The following ANKS1A variants were observed in gnomAD, a reference collection of about 807,000 sequenced individuals.
ANKS1A encodes the protein ankyrin repeat and SAM domain-containing protein 1A.
A neutral mutation model predicts 120.3 loss-of-function variants in ANKS1A; 55 were observed. The ratio of observed to expected loss-of-function variants is 0.46; its 90% CI spans 0.37 to 0.57. The LOEUF is 0.57. Ranked by LOEUF, ANKS1A falls within the 20% of genes least tolerant of loss-of-function variation. The pLI is 0.00. For missense variants in ANKS1A, 1,123 were observed against 1,480.3 expected, an observed-to-expected ratio of 0.76 and a Z score of 3.96; for synonymous variants, 590 against 604.7, an observed-to-expected ratio of 0.98 and a Z score of 0.36.
rs1161410849 is a variant in ANKS1A at position 34,981,636 on chromosome 6, A to T, written c.436-54A>T. 5 of 1,574,304 alleles carry T rather than the reference A, an allele frequency of 3.2e-6. No individual in the cohort carries two copies. The East Asian group carries it at 1.1e-4, about 35-fold the overall frequency. On this transcript the variant is annotated intron_variant, in intron 3 of 23. Coordinates refer to ENST00000360359, the MANE Select transcript of ANKS1A (RefSeq NM_015245.3). The stretch of plus-strand genomic sequence containing the variant: ...GGTTTTACGAGTGGTTGTCCCAGTC[A>T]GGTGCCTGTCTGCCAGTGACCTTTC...
chr6:34,927,598 G>A (rs1432538194), intron 1 of ANKS1A, among the ~76,000 whole-genome samples: 1 of 152,154 alleles, frequency 6.6e-6, no homozygotes, highest in African/African-American at 2.4e-5. Flanking sequence ...CGGAAAGCCA[G>A]CCAGGAAGCC....
At chr6:34,910,860 C>CA (rs10715320) in intron 1 of ANKS1A, among the ~76,000 whole-genome samples, 405 of 79,962 alleles carry the variant, frequency 5.1e-3, no homozygotes, top group East Asian at 0.012. Context: ...AACTCCATCT[C>CA]AAAAAAAAAA....
At chr6:35,080,318 A>G (rs1482650078) in intron 16 of ANKS1A, among the ~76,000 whole-genome samples, 1 of 152,178 alleles carries the variant, frequency 6.6e-6, no homozygotes, top group Admixed American at 6.5e-5. Context: ...GACAGCTTGC[A>G]TTTTAAAAAC....
At chr6:34,944,019 A>G (rs1331328550) in intron 1 of ANKS1A, among the ~76,000 whole-genome samples, 1 of 152,212 alleles carries the variant, frequency 6.6e-6, no homozygotes, top group African/African-American at 2.4e-5. Context: ...CACGCCTGTA[A>G]TCCCAGCACT....
chr6:34,903,450 G>A (rs1221174418), intron 1 of ANKS1A, among the ~76,000 whole-genome samples: 1 of 149,804 alleles, frequency 6.7e-6, no homozygotes, highest in Non-Finnish European at 1.5e-5. Flanking sequence ...TCAGTCTTTT[G>A]AGTAGCTAGG....
At chr6:34,969,909 G>T (rs937648326) in intron 2 of ANKS1A, 101 bp from the exon 3 acceptor site, 3 of 1,389,346 alleles carry the variant, frequency 2.2e-6, no homozygotes, top group Non-Finnish European at 2.9e-6. Flanking sequence ...GGAGCCAAAT[G>T]AGATATCTGT....
rs1777861081 is a variant in ANKS1A at position 35,084,498 on chromosome 6, T to TTC, written c.3132+241_3132+242insCT. Among the ~76,000 whole-genome samples, 1 of 150,054 alleles carries TTC rather than the reference T, an allele frequency of 6.7e-6. No individual in the cohort carries two copies. Among genetic ancestry groups the TTC allele is most frequent in the East Asian group, 2.0e-4 (1 of 5,118 alleles). On this transcript the variant is annotated intron_variant, in intron 21 of 23. Coordinates refer to ENST00000360359, the MANE Select transcript of ANKS1A (RefSeq NM_015245.3). The surrounding 1 kb of genome is among the most constrained non-coding windows in gnomAD (Gnocchi z 4.8). The stretch of plus-strand genomic sequence containing the variant: ...TAGGGACAGGAGGTTCCAGCTTTTT[T>TTC]TTTTTTTTTTTAAGAGATGGAGTCT...
At chr6:34,937,995 C>G (rs1769342867) in intron 1 of ANKS1A, among the ~76,000 whole-genome samples, 1 of 152,178 alleles carries the variant, frequency 6.6e-6, no homozygotes, top group Non-Finnish European at 1.5e-5. Flanking sequence ...CCACCCTACC[C>G]CACACCTCCC....
intron 3 of ANKS1A, among the ~76,000 whole-genome samples, chr6:34,974,237 G>A (rs1404494604): frequency 1.4e-4 from 1 of 6,906 alleles, no homozygotes; most frequent in Admixed American, 2.1e-3. Flanking sequence ...TCTCCTTCCC[G>A]TTCCCGTTCC....
rs185664236 is a variant in ANKS1A, at chr6:35,075,398, G to A, written c.2185-3160G>A. ...AAACAAATATCTAACTCATTTCATAGATAAAAGGTTAATTTTCTTTTTTTT... is the reference window on the plus strand; with the variant it reads ...AAACAAATATCTAACTCATTTCATAAATAAAAGGTTAATTTTCTTTTTTTT... On this transcript the variant is annotated intron_variant, in intron 13 of 23. Transcript: ENST00000360359. Among the ~76,000 whole-genome samples the A allele has an allele frequency of 1.8e-4, 27 of 149,816 alleles. 1 individual carries two copies. The East Asian group carries it at 5.2e-3, about 29-fold the overall frequency.
At chr6:34,933,710 A>G (rs1188263255) in intron 1 of ANKS1A, among the ~76,000 whole-genome samples, 1 of 152,240 alleles carries the variant, frequency 6.6e-6, no homozygotes, top group African/African-American at 2.4e-5. Context: ...CCTTCCTTCA[A>G]ACAGTTGACT....
rs536438489 is a variant in ANKS1A, at chr6:35,089,565, T to G, written c.*956T>G. The G allele has an allele frequency of 4.1e-6, 4 of 986,494 alleles. No individual in the cohort carries two copies. The Admixed American group carries it at 2.4e-4, about 60-fold the overall frequency. The allele number at this position is 986,494 out of a possible 1,614,324, so 61.1% of individuals were successfully genotyped here. On this transcript the variant is annotated 3_prime_UTR_variant, in exon 24 of 24. Transcript: ENST00000360359. ...CCTGTGTGATTGGGGCTCATTTTGA[T>G]TCTCTGAATTATCGGTTTGACGGTT...
chr6:35,009,411 A>G (rs1008523785), intron 10 of ANKS1A, among the ~76,000 whole-genome samples: 6 of 152,158 alleles, frequency 3.9e-5, no homozygotes, highest in Non-Finnish European at 7.3e-5. Flanking sequence ...ACAGAAATAG[A>G]GAATTGAGGG....
intron 9 of ANKS1A, among the ~76,000 whole-genome samples, chr6:34,989,522 T>G (rs1280294174): frequency 6.6e-6 from 1 of 152,236 alleles, no homozygotes. Context: ...GGCCCAGTAT[T>G]GATCTGCCAT....
At chr6:35,020,169 C>T (rs1774259345) in intron 11 of ANKS1A, among the ~76,000 whole-genome samples, 1 of 152,090 alleles carries the variant, frequency 6.6e-6, no homozygotes, top group African/African-American at 2.4e-5. Context: ...ACAGCCAGCC[C>T]TCCATATCCA....
intron 2 of ANKS1A, 55 bp downstream of exon 2, chr6:34,967,374 C>T (rs954626338): frequency 2.2e-5 from 34 of 1,562,756 alleles, no homozygotes; most frequent in Middle Eastern, 1.7e-4. Context: ...CAGGCCTTCA[C>T]GTTGCCTTTT....
chr6:35,086,142 C>G lies in ANKS1A; in HGVS notation c.3303+206C>G. ...CTGGCCTGGGCGGGCCTCTCATGCT[C>G]CTGTTTCCCTCCCTCGCTGGGCTCC... On this transcript the variant is annotated intron_variant, in intron 22 of 23. Coordinates refer to ENST00000360359, the MANE Select transcript of ANKS1A (RefSeq NM_015245.3). This position sits in a 1 kb window ranked among gnomAD's most constrained non-coding sequence, Gnocchi z 5.1. 8.5e-7 allele frequency: 1 copy of G among 1,182,232 alleles called. No homozygotes were observed. Among genetic ancestry groups the G allele is most frequent in the Non-Finnish European group, 1.2e-6 (1 of 855,248 alleles). 73.2% of individuals were successfully genotyped at this position (1,182,232 alleles called of 1,614,324 possible).
the ANKS1A span, among the ~76,000 whole-genome samples, chr6:35,097,642 A>C: frequency 4.8e-5 from 7 of 145,796 alleles, no homozygotes; most frequent in African/African-American, 1.8e-4. Flanking sequence ...CAAAAGAAAA[A>C]AAAAAAAAAA....
intron 11 of ANKS1A, among the ~76,000 whole-genome samples, chr6:35,019,205 A>G (rs1222221085): frequency 1.3e-5 from 2 of 152,218 alleles, no homozygotes; most frequent in Non-Finnish European, 2.9e-5. Context: ...CCACCCTTGC[A>G]AGCTTCTTAC....
Sources: gnomAD v4.1 joint callset for allele counts (sites outside exome capture counted in the v4.1 genomes callset) on GRCh38, gnomAD v4.1.1 for gene constraint, Gnocchi (gnomAD v3.1) non-coding constraint, MANE v1.5 for transcripts, NCBI Gene and HGNC (gene_info 2026-07-23, HGNC 2026-07-21) for gene names.